The following ERBB4 variants were observed in gnomAD, a reference collection of about 807,000 sequenced individuals.
ERBB4 encodes the protein receptor tyrosine-protein kinase erbB-4.
Under a neutral mutation model 158.0 loss-of-function variants are expected in ERBB4, and 42 were observed. The ratio of observed to expected loss-of-function variants is 0.27; its 90% CI spans 0.21 to 0.34. ERBB4 has a LOEUF of 0.34. ERBB4 is among the 10% of genes least tolerant of loss of function. ERBB4 has a pLI of 1.00. For synonymous variants in ERBB4, 583 were observed against 558.7 expected, an observed-to-expected ratio of 1.04 and a Z score of -0.61; for missense variants, 1,333 against 1,624.1, an observed-to-expected ratio of 0.82 and a Z score of 3.08.
chr2:212,046,576 G>A (rs191434638), intron 2 of ERBB4, among the ~76,000 whole-genome samples: 24 of 152,108 alleles, frequency 1.6e-4, no homozygotes, highest in Admixed American at 7.2e-4. Context: ...ATTTACCTTC[G>A]TATTCATCAA....
At chr2:211,901,115 T>C (rs2079223332) in intron 3 of ERBB4, among the ~76,000 whole-genome samples, 1 of 152,164 alleles carries the variant, frequency 6.6e-6, no homozygotes, top group Non-Finnish European at 1.5e-5. Flanking sequence ...TAAATGATGA[T>C]GGTGAATGAG....
chr2:212,144,987 TGGG>T (rs2080616712), intron 1 of ERBB4, among the ~76,000 whole-genome samples: 1 of 152,158 alleles, frequency 6.6e-6, no homozygotes, highest in Non-Finnish European at 1.5e-5. Flanking sequence ...TAAACCACTT[TGGG>T]GGAACTAAAA....
chr2:211,416,939 C>CT (rs1237896116), intron 25 of ERBB4, among the ~76,000 whole-genome samples: 2 of 151,530 alleles, frequency 1.3e-5, no homozygotes, highest in Non-Finnish European at 2.9e-5. Context: ...ATACTCTTTG[C>CT]TTTTTTCGTT....
chr2:211,796,309 T>G (rs563649433), intron 3 of ERBB4, among the ~76,000 whole-genome samples: 1 of 152,130 alleles, frequency 6.6e-6, no homozygotes, highest in Non-Finnish European at 1.5e-5. Flanking sequence ...GAAATTCATC[T>G]ATATTGTTTA....
chr2:212,088,565 T>A (rs2078682609), intron 2 of ERBB4, among the ~76,000 whole-genome samples: 1 of 152,210 alleles, frequency 6.6e-6, no homozygotes, highest in African/African-American at 2.4e-5. Flanking sequence ...CACACCCTGG[T>A]TGGTAGTCCC....
intron 20 of ERBB4, among the ~76,000 whole-genome samples, chr2:211,521,835 A>G (rs1389802807): frequency 6.6e-6 from 1 of 152,164 alleles, no homozygotes; most frequent in Admixed American, 6.5e-5. Context: ...ACGAAACAAC[A>G]AGGCCCAGAT....
chr2:211,477,896 T>A (rs1392806992), intron 20 of ERBB4, among the ~76,000 whole-genome samples: 1 of 152,156 alleles, frequency 6.6e-6, no homozygotes. Flanking sequence ...ACTTTTTGCA[T>A]AATGGTTGTT....
chr2:211,449,771 AGGAT>A lies in ERBB4; in HGVS notation c.2488-18675_2488-18672del, dbSNP rs1163016547. 2.0e-5 allele frequency among the ~76,000 whole-genome samples: 3 copies of A among 152,202 alleles called. No individual in the cohort carries two copies. In the East Asian group the frequency reaches 5.8e-4, roughly 29 times the overall value. ...GGATACAATAGTCTTTGCCTAGGGA[AGGAT>A]AACTTGATTTCCATGTAAGTTACAG... On this transcript the variant is annotated intron_variant, in intron 20 of 27. Transcript: ENST00000342788.
At chr2:212,476,358 A>G (rs1560431670) in intron 1 of ERBB4, among the ~76,000 whole-genome samples, 1 of 152,160 alleles carries the variant, frequency 6.6e-6, no homozygotes, top group Non-Finnish European at 1.5e-5. Flanking sequence ...GGTGTCAAAA[A>G]ACATTTTGTC....
intron 1 of ERBB4, among the ~76,000 whole-genome samples, chr2:212,130,556 A>G (rs1291474781): frequency 2.0e-5 from 3 of 152,160 alleles, no homozygotes; most frequent in Non-Finnish European, 4.4e-5. Context: ...TATTAAAACT[A>G]AAAATTAATT....
intron 1 of ERBB4, among the ~76,000 whole-genome samples, chr2:212,537,444 T>C (rs1459160604): frequency 6.6e-6 from 1 of 151,968 alleles, no homozygotes. Context: ...GTGCTGTCAT[T>C]AGTCCTGCAA....
chr2:212,360,136 T>C (rs904773223), intron 1 of ERBB4, among the ~76,000 whole-genome samples: 1 of 151,738 alleles, frequency 6.6e-6, no homozygotes, highest in Non-Finnish European at 1.5e-5. Flanking sequence ...ACAAAGAACC[T>C]TTCTATCACT....
At chr2:212,183,187 T>C (rs2081924500) in intron 1 of ERBB4, among the ~76,000 whole-genome samples, 1 of 151,880 alleles carries the variant, frequency 6.6e-6, no homozygotes, top group Admixed American at 6.6e-5. Context: ...TAGAGGTTGG[T>C]GAATACACCC....
chr2:211,994,612 T>C (rs2082154773), intron 2 of ERBB4, among the ~76,000 whole-genome samples: 1 of 152,216 alleles, frequency 6.6e-6, no homozygotes, highest in Non-Finnish European at 1.5e-5. Flanking sequence ...ACATTTACAT[T>C]TTTATCCAAA....
chr2:211,754,388 T>C (rs1454376434), intron 4 of ERBB4, among the ~76,000 whole-genome samples: 1 of 150,764 alleles, frequency 6.6e-6, no homozygotes, highest in Non-Finnish European at 1.5e-5. Flanking sequence ...ATTCTTCCCA[T>C]TGATTATTGC....
intron 22 of ERBB4, among the ~76,000 whole-genome samples, chr2:211,425,293 G>A (rs560540785): frequency 2.1e-4 from 32 of 151,882 alleles, no homozygotes; most frequent in Non-Finnish European, 4.0e-4. Flanking sequence ...ATTTACTCAG[G>A]CTGAAGTATT....
chr2:212,205,240 A>T (rs2082711938), intron 1 of ERBB4, among the ~76,000 whole-genome samples: 1 of 152,046 alleles, frequency 6.6e-6, no homozygotes, highest in Admixed American at 6.6e-5. Flanking sequence ...TGCTCACTGA[A>T]GTCTCTGCCT....
intron 2 of ERBB4, among the ~76,000 whole-genome samples, chr2:211,991,314 T>C (rs2082069355): frequency 6.6e-6 from 1 of 152,090 alleles, no homozygotes; most frequent in Non-Finnish European, 1.5e-5. Context: ...CAAATAAAAT[T>C]ACAAACCAAT....
At chr2:211,650,235 T>C (rs2070933847) in intron 16 of ERBB4, among the ~76,000 whole-genome samples, 1 of 152,042 alleles carries the variant, frequency 6.6e-6, no homozygotes, top group Non-Finnish European at 1.5e-5. Flanking sequence ...AACAGAAACT[T>C]TGATCTCTAC....
Sources: allele counts gnomAD v4.1 joint callset (sites outside exome capture counted in the v4.1 genomes callset), GRCh38; gene constraint gnomAD v4.1.1; transcripts MANE v1.5; gene names NCBI Gene and HGNC (gene_info 2026-07-23, HGNC 2026-07-21).